ZFHX3: variants seen among roughly 807,000 people sequenced by gnomAD.
ZFHX3 encodes zinc finger homeobox protein 3.
A neutral mutation model predicts 279.1 loss-of-function variants in ZFHX3; 42 were observed. The observed-to-expected ratio is 0.15, with a 90% confidence interval of 0.12 to 0.19. The LOEUF is 0.19. ZFHX3 is among the 10% of genes least tolerant of loss of function. The probability of loss-of-function intolerance (pLI) is 1.00; values close to 1 mark genes in which losing one functional copy is unlikely to be tolerated. For missense variants in ZFHX3, 4,981 were observed against 4,754.0 expected, an observed-to-expected ratio of 1.05 and a Z score of -1.40; for synonymous variants, 2,293 against 1,957.8, an observed-to-expected ratio of 1.17 and a Z score of -4.52.
At chr16:73,162,552 T>C (rs1281220263) in intron 5 of ZFHX3, among the ~76,000 whole-genome samples, 1 of 152,198 alleles carries the variant, frequency 6.6e-6, no homozygotes, top group Non-Finnish European at 1.5e-5. Flanking sequence ...AGCTGTAGAA[T>C]TATTTCATTA....
chr16:72,950,963 C>T lies in ZFHX3; in HGVS notation c.2722G>A (p.Gly908Ser). The change falls in exon 3 of 10, where the codon GGC becomes AGC. Residue 908 changes from glycine (G) to serine (S), a missense_variant and splice_region_variant. Physicochemically the swap from Gly to Ser is moderately conservative, Grantham distance 56. Transcript: ENST00000268489. Reference protein sequence around the residue: ...PMAAMTPALVGGEIPLDMRLG... With the variant: ...PMAAMTPALVSGEIPLDMRLG... ...CGCATGTCTAGGGGGATCTCACCGC[C>T]CACTGCAGGGAAGGAGAGAAGGAGA... The T allele has an allele frequency of 6.2e-7, 1 of 1,611,098 alleles. No homozygotes were observed. The highest frequency in any genetic ancestry group is 8.5e-7 in the Non-Finnish European group (1 of 1,177,752).
At chr16:72,859,264 C>T (rs377643363) in intron 4 of ZFHX3, among the ~76,000 whole-genome samples, 14 of 152,346 alleles carry the variant, frequency 9.2e-5, no homozygotes, top group African/African-American at 2.4e-4. Context: ...AATCCTCTTT[C>T]TTTTCCCCTG....
chr16:73,558,716 T>C (rs1431972906), intron 2 of ZFHX3, among the ~76,000 whole-genome samples: 1 of 143,846 alleles, frequency 7.0e-6, no homozygotes, highest in Non-Finnish European at 1.5e-5. Context: ...ACTCTTTTTT[T>C]TTTTTTTTTT....
intron 1 of ZFHX3, among the ~76,000 whole-genome samples, chr16:73,742,802 C>T (rs2053671181): frequency 6.6e-6 from 1 of 152,150 alleles, no homozygotes; most frequent in Non-Finnish European, 1.5e-5. Context: ...TGTGAGACTG[C>T]AACTTGTTGC....
intron 1 of ZFHX3, among the ~76,000 whole-genome samples, chr16:73,718,718 C>A (rs187775248): frequency 1.1e-4 from 16 of 151,806 alleles, no homozygotes; most frequent in Non-Finnish European, 1.9e-4. Context: ...TGGGTTCAAG[C>A]GATTCTTCTG....
intron 3 of ZFHX3, among the ~76,000 whole-genome samples, chr16:72,908,847 C>A (rs1321756233): frequency 6.6e-6 from 1 of 152,112 alleles, no homozygotes; most frequent in Non-Finnish European, 1.5e-5. Context: ...TTGTAAAGAG[C>A]CATATTACTT....
At chr16:73,172,163 G>C (rs1967543415) in intron 5 of ZFHX3, among the ~76,000 whole-genome samples, 1 of 152,166 alleles carries the variant, frequency 6.6e-6, no homozygotes, top group South Asian at 2.1e-4. Flanking sequence ...TCGGCCTTTT[G>C]AGAGGTTATG....
chr16:73,872,244 TG>T (rs2029863821), intron 1 of ZFHX3, among the ~76,000 whole-genome samples: 1 of 151,308 alleles, frequency 6.6e-6, no homozygotes, highest in South Asian at 2.1e-4. Context: ...AGGACATCCC[TG>T]TTTTTTTTTT....
intron 4 of ZFHX3, among the ~76,000 whole-genome samples, chr16:72,876,282 G>A (rs1429750219): frequency 6.6e-6 from 1 of 152,190 alleles, no homozygotes. Context: ...AGCCACAGAT[G>A]GCTCAGGGAT....
At chr16:73,575,625 C>T (rs1032853843) in intron 2 of ZFHX3, among the ~76,000 whole-genome samples, 2 of 152,142 alleles carry the variant, frequency 1.3e-5, no homozygotes, top group Admixed American at 6.5e-5. Context: ...CTCATTCACA[C>T]GGAAGGATTT....
At chr16:73,374,001 C>T (rs1439735695) in intron 3 of ZFHX3, among the ~76,000 whole-genome samples, 1 of 152,156 alleles carries the variant, frequency 6.6e-6, no homozygotes, top group Non-Finnish European at 1.5e-5. Flanking sequence ...GGGATGAGAA[C>T]GGGGATGGAA....
At chr16:73,191,495 GTCAT>G (rs1242828842) in intron 5 of ZFHX3, among the ~76,000 whole-genome samples, 1 of 152,136 alleles carries the variant, frequency 6.6e-6, no homozygotes, top group African/African-American at 2.4e-5. Flanking sequence ...CCCTCATCAA[GTCAT>G]TTGGAGAAAG....
intron 2 of ZFHX3, among the ~76,000 whole-genome samples, chr16:73,461,862 G>A (rs1413617366): frequency 6.6e-6 from 1 of 151,934 alleles, no homozygotes; most frequent in Admixed American, 6.6e-5. Flanking sequence ...TTGTTCCTCT[G>A]TCCTTCCATA....
intron 3 of ZFHX3, among the ~76,000 whole-genome samples, chr16:73,452,206 T>C (rs1458215279): frequency 1.3e-5 from 2 of 152,208 alleles, no homozygotes; most frequent in Non-Finnish European, 2.9e-5. Context: ...AATTTACTTA[T>C]AATTAACATT....
At chr16:72,920,632 T>G (rs1174872500) in intron 3 of ZFHX3, among the ~76,000 whole-genome samples, 1 of 151,826 alleles carries the variant, frequency 6.6e-6, no homozygotes, top group Non-Finnish European at 1.5e-5. Context: ...ATGGCACCAT[T>G]GCACTCCAGC....
intron 1 of ZFHX3, among the ~76,000 whole-genome samples, chr16:73,839,140 A>T (rs1261708916): frequency 6.6e-6 from 1 of 151,678 alleles, no homozygotes; most frequent in Non-Finnish European, 1.5e-5. Flanking sequence ...AGCAGAAAAA[A>T]GTTAGGTTGG....
chr16:73,265,550 G>C lies in ZFHX3; in HGVS notation c.-1193-8414C>G, dbSNP rs555926704. On this transcript the variant is annotated intron_variant, in intron 4 of 17. Coordinates refer to the ZFHX3 transcript ENST00000641206. Reference sequence around the variant, plus strand: ...TAAGCTGAGATGCATTGACCACGCAGTTTGGAGCAAAGTGGTTTCACCCGT... The same window carrying C: ...TAAGCTGAGATGCATTGACCACGCACTTTGGAGCAAAGTGGTTTCACCCGT... Among the ~76,000 whole-genome samples the C allele has an allele frequency of 6.6e-5, 10 of 152,308 alleles. No homozygotes were observed. In the East Asian group the frequency reaches 1.7e-3, roughly 26 times the overall value.
At chr16:72,937,422 C>T (rs1477003393) in intron 3 of ZFHX3, among the ~76,000 whole-genome samples, 6 of 152,308 alleles carry the variant, frequency 3.9e-5, no homozygotes, top group Middle Eastern at 3.4e-3. Flanking sequence ...TAGGACACAG[C>T]CGACAGAGTC....
chr16:73,182,390 G>C (rs999667365), intron 5 of ZFHX3, among the ~76,000 whole-genome samples: 1 of 152,204 alleles, frequency 6.6e-6, no homozygotes, highest in Admixed American at 6.5e-5. Flanking sequence ...CTGGGAGGCA[G>C]AGGTTGCAGT....
Sources: allele counts gnomAD v4.1 joint callset (sites outside exome capture counted in the v4.1 genomes callset), GRCh38; gene constraint gnomAD v4.1.1; transcripts MANE v1.5; gene names NCBI Gene and HGNC (gene_info 2026-07-23, HGNC 2026-07-21).